RPS6KA5: variants seen among roughly 807,000 people sequenced by gnomAD.
The protein encoded by RPS6KA5 is ribosomal protein S6 kinase A5, also known as ribosomal protein S6 kinase alpha-5.
RPS6KA5 carries 27 observed loss-of-function variants against 85.5 expected under a neutral mutation model. The ratio of observed to expected loss-of-function variants is 0.32; its 90% CI spans 0.23 to 0.44. RPS6KA5 has a LOEUF of 0.44. Among genes scored for constraint, RPS6KA5 ranks in the 20% least tolerant of loss-of-function variants. The pLI is 1.00. For synonymous variants in RPS6KA5, 334 were observed against 348.2 expected (o/e 0.96, Z 0.46); for missense variants, 811 against 980.9 (o/e 0.83, Z 2.31).
At chr14:90,965,290 CTTGA>C (rs1374159617) in intron 3 of RPS6KA5, among the ~76,000 whole-genome samples, 10 of 152,172 alleles carry the variant, frequency 6.6e-5, no homozygotes, top group African/African-American at 2.4e-4. Flanking sequence ...GAGGCTGAGG[CTTGA>C]ACCTGGGAGG....
intron 5 of RPS6KA5, among the ~76,000 whole-genome samples, chr14:90,923,447 T>A (rs1344748409): frequency 6.6e-6 from 1 of 152,032 alleles, no homozygotes; most frequent in Non-Finnish European, 1.5e-5. Flanking sequence ...CATCCATCCA[T>A]CCATCCATCC....
At chr14:90,910,513 T>C (rs1023679216) in intron 7 of RPS6KA5, among the ~76,000 whole-genome samples, 1 of 146,650 alleles carries the variant, frequency 6.8e-6, no homozygotes, top group Non-Finnish European at 1.5e-5. Context: ...TTGAAAACTT[T>C]TATAATAAAA....
intron 3 of RPS6KA5, among the ~76,000 whole-genome samples, chr14:90,958,345 A>G (rs1295704963): frequency 6.6e-6 from 1 of 152,242 alleles, no homozygotes; most frequent in East Asian, 1.9e-4. Flanking sequence ...ACCCATAAAT[A>G]TGGTGTATCT....
At chr14:90,915,233 A>C (rs1393111213) in intron 7 of RPS6KA5, among the ~76,000 whole-genome samples, 1 of 152,228 alleles carries the variant, frequency 6.6e-6, no homozygotes, top group Non-Finnish European at 1.5e-5. Context: ...TGGTAGGCAG[A>C]CTTTGAAGAT....
At chr14:90,926,666 T>TAA (rs1398722866) in intron 5 of RPS6KA5, among the ~76,000 whole-genome samples, 2 of 145,552 alleles carry the variant, frequency 1.4e-5, no homozygotes, top group African/African-American at 5.0e-5. Flanking sequence ...TATATTTAAG[T>TAA]GTGTGTGTGT....
Position 90,862,245 on chromosome 14 carries a change from C to T in RPS6KA5, c.*9829G>A, listed in dbSNP as rs527836502. The T allele has an allele frequency of 6.6e-6, 1 of 152,226 alleles. No homozygotes were observed. Among genetic ancestry groups the T allele is most frequent in the East Asian group, 1.9e-4 (1 of 5,178 alleles). 9.4% of individuals were successfully genotyped at this position (152,226 alleles called of 1,614,324 possible). A position where few individuals can be genotyped will look rare whatever the true frequency, so the allele number is the denominator to read the frequency against. On this transcript the variant is annotated 3_prime_UTR_variant, in exon 17 of 17. Transcript: ENST00000614987. ...GACAACTTTCCCACAAAGAAAACTT[C>T]TCATTCAAGTGGCTTCAATGGTGAA...
At chr14:90,875,573 A>G (rs938890502) in intron 14 of RPS6KA5, among the ~76,000 whole-genome samples, 11 of 152,284 alleles carry the variant, frequency 7.2e-5, no homozygotes, top group African/African-American at 2.6e-4. Context: ...AAGGATTATA[A>G]ATCATGCTGC....
chr14:90,986,425 T>C (rs746676542), intron 2 of RPS6KA5, among the ~76,000 whole-genome samples: 2 of 151,228 alleles, frequency 1.3e-5, no homozygotes, highest in Non-Finnish European at 2.9e-5. Context: ...TTCAATCTGG[T>C]AAACATGATT....
intron 2 of RPS6KA5, among the ~76,000 whole-genome samples, chr14:90,997,922 G>A (rs1474024735): frequency 6.6e-6 from 1 of 150,442 alleles, no homozygotes; most frequent in Non-Finnish European, 1.5e-5. Context: ...CTGAGGCAGG[G>A]GAATTACTTG....
chr14:91,020,195 GT>G lies in RPS6KA5; in HGVS notation c.104-19037del, dbSNP rs1218096329. 2.0e-5 allele frequency among the ~76,000 whole-genome samples: 3 copies of G among 151,772 alleles called. No individual in the cohort carries two copies. The East Asian group carries it at 5.8e-4, about 29-fold the overall frequency. ...TGACCATTTGTGTTTATGTGGGTGTGTGTGTGTGTGTGTGCATGTACACGTG... is the reference window on the plus strand; with the variant it reads ...TGACCATTTGTGTTTATGTGGGTGTGGTGTGTGTGTGTGCATGTACACGTG... On this transcript the variant is annotated intron_variant, in intron 1 of 16. Coordinates refer to ENST00000614987, the MANE Select transcript of RPS6KA5 (RefSeq NM_004755.4).
At chr14:90,958,588 T>C (rs1595338256) in intron 3 of RPS6KA5, among the ~76,000 whole-genome samples, 1 of 152,166 alleles carries the variant, frequency 6.6e-6, no homozygotes, top group East Asian at 1.9e-4. Flanking sequence ...AGATGTTTAA[T>C]CTCTCTGAAT....
intron 1 of RPS6KA5, among the ~76,000 whole-genome samples, chr14:91,020,404 A>C (rs1329485693): frequency 6.6e-6 from 1 of 152,204 alleles, no homozygotes; most frequent in African/African-American, 2.4e-5. Context: ...GAGATGATTT[A>C]AGGTATGTAG....
intron 3 of RPS6KA5, among the ~76,000 whole-genome samples, chr14:90,968,301 T>C (rs2039165729): frequency 6.6e-6 from 1 of 151,952 alleles, no homozygotes; most frequent in Non-Finnish European, 1.5e-5. Context: ...CTCTCCTCCC[T>C]CCCTCCCTCT....
intron 2 of RPS6KA5, among the ~76,000 whole-genome samples, chr14:90,990,906 G>GA (rs1278900543): frequency 6.6e-6 from 1 of 152,064 alleles, no homozygotes. Context: ...GGTGATGGTT[G>GA]AAAAACTACA....
Position 90,857,736 on chromosome 14 carries a change from A to G in RPS6KA5, c.*14338T>C, listed in dbSNP as rs2032356591. The stretch of plus-strand genomic sequence containing the variant: ...TTCCAGTCTCTTTTTTCTCACTCCC[A>G]ACCCCCACACAAGAAAAGTCTATTT... On this transcript the variant is annotated 3_prime_UTR_variant, in exon 17 of 17. Coordinates refer to ENST00000614987, the MANE Select transcript of RPS6KA5 (RefSeq NM_004755.4). 1 of 152,164 alleles carries G rather than the reference A, an allele frequency of 6.6e-6. No homozygotes were observed. The highest frequency in any genetic ancestry group is 6.5e-5 in the Admixed American group (1 of 15,276). The allele number at this position is 152,164 out of a possible 1,614,324, so 9.4% of individuals were successfully genotyped here. A position where few individuals can be genotyped will look rare whatever the true frequency, so the allele number is the denominator to read the frequency against.
chr14:90,953,578 A>G (rs560787809), intron 3 of RPS6KA5, among the ~76,000 whole-genome samples: 52 of 152,322 alleles, frequency 3.4e-4, no homozygotes, highest in African/African-American at 1.2e-3. Flanking sequence ...TCTTGCAGAG[A>G]GCCTACAAAC....
At chr14:90,969,678 C>A (rs902958586) in intron 3 of RPS6KA5, among the ~76,000 whole-genome samples, 1 of 152,208 alleles carries the variant, frequency 6.6e-6, no homozygotes, top group South Asian at 2.1e-4. Flanking sequence ...TCTCCAAACA[C>A]CCAAACACCT....
At chr14:91,005,061 C>A (rs1432261474) in intron 1 of RPS6KA5, among the ~76,000 whole-genome samples, 1 of 152,086 alleles carries the variant, frequency 6.6e-6, no homozygotes, top group Non-Finnish European at 1.5e-5. Context: ...TTCTGGATGT[C>A]CTTTTGAAGC....
chr14:90,872,387 GACTT>G (rs1213198006), intron 16 of RPS6KA5, 65 bp from the exon 17 acceptor site: 5 of 1,520,308 alleles, frequency 3.3e-6, no homozygotes, highest in Non-Finnish European at 4.4e-6. Flanking sequence ...TAGCAGTTAT[GACTT>G]ACAGCAGAAG....
Sources: gnomAD v4.1 joint callset for allele counts (sites outside exome capture counted in the v4.1 genomes callset) on GRCh38, gnomAD v4.1.1 for gene constraint, MANE v1.5 for transcripts, NCBI Gene and HGNC (gene_info 2026-07-23, HGNC 2026-07-21) for gene names.